NRXN3: variants seen among roughly 807,000 people sequenced by gnomAD.
NRXN3 encodes neurexin III.
In NRXN3, 32 loss-of-function variants were observed where a neutral mutation model predicts 137.6. The observed-to-expected ratio is 0.23, with a 90% CI of 0.18 to 0.31. The LOEUF (loss-of-function observed/expected upper bound fraction) is 0.31, where lower values mean the gene tolerates loss of function less well. Among genes scored for constraint, NRXN3 ranks in the 10% least tolerant of loss-of-function variants. The probability of loss-of-function intolerance (pLI) is 1.00; values close to 1 mark genes in which losing one functional copy is unlikely to be tolerated. For synonymous variants in NRXN3, 798 were observed against 784.5 expected (o/e 1.02, Z -0.29); for missense variants, 1,574 against 2,062.5 (o/e 0.76, Z 4.59).
At chr14:78,792,753 A>G (rs1360541424) in intron 8 of NRXN3, among the ~76,000 whole-genome samples, 1 of 152,202 alleles carries the variant, frequency 6.6e-6, no homozygotes, top group Non-Finnish European at 1.5e-5. Context: ...ATCTCATTAC[A>G]CAAAACAATG....
intron 20 of NRXN3, among the ~76,000 whole-genome samples, chr14:79,822,807 CCAAACAAACAAA>C (rs532872192): frequency 4.0e-5 from 6 of 151,646 alleles, no homozygotes; most frequent in African/African-American, 1.2e-4. Context: ...AAATAGATTT[CCAAACAAACAAA>C]CAAACAAACA....
intron 15 of NRXN3, among the ~76,000 whole-genome samples, chr14:79,062,858 T>C (rs1461072996): frequency 2.0e-5 from 3 of 152,176 alleles, no homozygotes. Context: ...CCCAAGTCTC[T>C]GGGTGTTGTG....
At chr14:78,384,830 C>G (rs917459109) in intron 4 of NRXN3, among the ~76,000 whole-genome samples, 1 of 152,188 alleles carries the variant, frequency 6.6e-6, no homozygotes, top group African/African-American at 2.4e-5. Context: ...GATTCCATAA[C>G]TCTAAGATTT....
intron 15 of NRXN3, among the ~76,000 whole-genome samples, chr14:79,009,881 A>G (rs765901061): frequency 1.3e-5 from 2 of 152,208 alleles, no homozygotes; most frequent in Non-Finnish European, 2.9e-5. Flanking sequence ...TTCTTTTGCA[A>G]GATCACGAAA....
rs558837315 is a variant in NRXN3, at chr14:78,691,587, A to AT, written c.1222-17624dup. 2.0e-4 allele frequency among the ~76,000 whole-genome samples: 31 copies of AT among 152,144 alleles called. 1 individual carries two copies. In the South Asian group the frequency reaches 6.2e-3, roughly 31 times the overall value. On this transcript the variant is annotated intron_variant, in intron 6 of 20. Coordinates refer to ENST00000335750, the MANE Select transcript of NRXN3 (RefSeq NM_001330195.2). ...AGGGACACTCTAGTCAGATTCTCAA[A>AT]TTTTTTCTTTTTTCTTTTTTGCACA...
chr14:79,840,419 T>A (rs900167603), intron 20 of NRXN3, among the ~76,000 whole-genome samples: 1 of 151,916 alleles, frequency 6.6e-6, no homozygotes. Context: ...ATTCTCATTA[T>A]GCAATTATGA....
chr14:78,425,174 C>T (rs1028718493), intron 4 of NRXN3, among the ~76,000 whole-genome samples: 4 of 152,222 alleles, frequency 2.6e-5, no homozygotes, highest in Admixed American at 1.3e-4. Context: ...GCCACTTCCT[C>T]GATCTTTAAC....
intron 1 of NRXN3, among the ~76,000 whole-genome samples, chr14:78,214,479 TAAA>T (rs1357023552): frequency 6.6e-6 from 1 of 152,122 alleles, no homozygotes; most frequent in Non-Finnish European, 1.5e-5. Flanking sequence ...TCCAATAGGC[TAAA>T]AGCTCCACAA....
chr14:79,269,632 T>C (rs892257099), intron 15 of NRXN3, among the ~76,000 whole-genome samples: 1 of 152,120 alleles, frequency 6.6e-6, no homozygotes, highest in Non-Finnish European at 1.5e-5. Flanking sequence ...TTAGGGTGAT[T>C]CATTTTTATT....
intron 4 of NRXN3, among the ~76,000 whole-genome samples, chr14:78,494,024 G>C (rs571781104): frequency 1.3e-4 from 20 of 152,318 alleles, no homozygotes; most frequent in African/African-American, 4.6e-4. Flanking sequence ...TTTTCTGGGA[G>C]ATGGATCTCA....
At chr14:79,500,236 C>CA (rs34976297) in intron 16 of NRXN3, among the ~76,000 whole-genome samples, 10,605 of 88,364 alleles carry the variant, frequency 0.12, 728 homozygotes, top group Middle Eastern at 0.15. Flanking sequence ...AAAAAGAAGG[C>CA]AAAAAAAAAA....
intron 16 of NRXN3, among the ~76,000 whole-genome samples, chr14:79,516,497 G>A (rs1421670562): frequency 6.6e-6 from 1 of 152,118 alleles, no homozygotes. Flanking sequence ...GGGGAATGTT[G>A]CATTTTTACA....
At chr14:78,725,015 T>C (rs767411120) in intron 8 of NRXN3, among the ~76,000 whole-genome samples, 11 of 152,220 alleles carry the variant, frequency 7.2e-5, no homozygotes, top group Non-Finnish European at 1.5e-4. Flanking sequence ...CATTTCATGC[T>C]TCTTAGCATG....
chr14:78,421,543 A>C (rs2093445853), intron 4 of NRXN3, among the ~76,000 whole-genome samples: 1 of 152,078 alleles, frequency 6.6e-6, no homozygotes, highest in Admixed American at 6.5e-5. Flanking sequence ...AATGGAGACT[A>C]TTTCTTTCTT....
chr14:79,700,980 C>T (rs188042335), intron 19 of NRXN3, among the ~76,000 whole-genome samples: 160 of 152,154 alleles, frequency 1.1e-3, no homozygotes, highest in Non-Finnish European at 2.0e-3. Flanking sequence ...AAAGGCCTGG[C>T]ACTTCATAGG....
At chr14:78,751,135 C>G (rs371718308) in intron 8 of NRXN3, among the ~76,000 whole-genome samples, 2 of 152,074 alleles carry the variant, frequency 1.3e-5, no homozygotes, top group Non-Finnish European at 1.5e-5. Context: ...TTTTTCCCCC[C>G]ACTATATTCT....
chr14:79,491,934 T>C (rs1352559991), intron 16 of NRXN3, among the ~76,000 whole-genome samples: 1 of 152,204 alleles, frequency 6.6e-6, no homozygotes, highest in African/African-American at 2.4e-5. Flanking sequence ...AAGGAGACAA[T>C]TCTCTGACAA....
intron 4 of NRXN3, among the ~76,000 whole-genome samples, chr14:78,355,759 G>A (rs969983603): frequency 6.6e-6 from 1 of 152,180 alleles, no homozygotes; most frequent in Non-Finnish European, 1.5e-5. Context: ...TACCTAGAAT[G>A]CTTTTCCTTT....
At chr14:78,280,903 A>C (rs2074320238) in intron 3 of NRXN3, among the ~76,000 whole-genome samples, 1 of 152,226 alleles carries the variant, frequency 6.6e-6, no homozygotes, top group Admixed American at 6.5e-5. Flanking sequence ...TATCCCTCTG[A>C]GGTGTGTAGC....
Sources: allele counts gnomAD v4.1 joint callset (sites outside exome capture counted in the v4.1 genomes callset), GRCh38; gene constraint gnomAD v4.1.1; transcripts MANE v1.5; gene names NCBI Gene and HGNC (gene_info 2026-07-23, HGNC 2026-07-21).